The following ADGRL3 variants were observed in gnomAD, a reference collection of about 807,000 sequenced individuals.
The protein encoded by ADGRL3 is calcium-independent alpha-latrotoxin receptor 3.
ADGRL3 carries 62 observed loss-of-function variants against 153.5 expected under a neutral mutation model. The observed-to-expected ratio is 0.40, with a 90% CI of 0.33 to 0.50. The LOEUF is 0.50. Ranked by LOEUF, ADGRL3 falls within the 20% of genes least tolerant of loss-of-function variation. The pLI, the probability that ADGRL3 is intolerant of heterozygous loss-of-function variation, is 0.47. For synonymous variants in ADGRL3, 710 were observed against 672.5 expected, an observed-to-expected ratio of 1.06 and a Z score of -0.86; for missense variants, 1,641 against 1,859.4, an observed-to-expected ratio of 0.88 and a Z score of 2.16.
chr4:61,986,898 T>C (rs982063523), intron 19 of ADGRL3, among the ~76,000 whole-genome samples: 16 of 152,102 alleles, frequency 1.1e-4, no homozygotes, highest in African/African-American at 3.9e-4. Flanking sequence ...GAAGCAGATA[T>C]TGAAAAGAGA....
chr4:61,957,098 TATC>T (rs762004075), intron 17 of ADGRL3, among the ~76,000 whole-genome samples: 27 of 152,286 alleles, frequency 1.8e-4, no homozygotes, highest in Non-Finnish European at 3.4e-4. Flanking sequence ...TTGATGGAAA[TATC>T]ATTGAATCTA....
chr4:62,015,801 A>G (rs1347471299), intron 21 of ADGRL3, among the ~76,000 whole-genome samples: 1 of 149,032 alleles, frequency 6.7e-6, no homozygotes, highest in Middle Eastern at 3.2e-3. Context: ...TTTTTCTTTT[A>G]CTTGCTGATA....
intron 9 of ADGRL3, among the ~76,000 whole-genome samples, chr4:61,871,500 T>A (rs1040293168): frequency 6.6e-6 from 1 of 152,098 alleles, no homozygotes; most frequent in Admixed American, 6.5e-5. Flanking sequence ...ACCTGCTAAG[T>A]GACATAAGCC....
chr4:61,439,549 C>T (rs2097502050), intron 2 of ADGRL3, among the ~76,000 whole-genome samples: 1 of 152,248 alleles, frequency 6.6e-6, no homozygotes, highest in Non-Finnish European at 1.5e-5. Context: ...GTGGTTTCTG[C>T]ACCCATCAAC....
chr4:62,070,295 A>C lies in ADGRL3; in HGVS notation c.4019A>C (p.Asn1340Thr). 1 of 1,571,044 alleles carries C rather than the reference A, an allele frequency of 6.4e-7. No homozygotes were observed. Among genetic ancestry groups the C allele is most frequent in the Non-Finnish European group, 8.6e-7 (1 of 1,156,564 alleles). Residue 1340 changes from asparagine to threonine, a missense_variant, in exon 27 of 27, where the codon AAC becomes ACC. Asn to Thr is a moderately conservative substitution (Grantham distance 65, BLOSUM62 0). Transcript: ENST00000683033. Reference protein sequence around the residue: ...EKKILKELTSNYIPSYLNNHE... With the variant: ...EKKILKELTSTYIPSYLNNHE... The stretch of plus-strand genomic sequence containing the variant: ...AAGATTCTGAAGGAACTCACTTCCA[A>C]CTATATCCCTTCTTACCTGAACAAC...
chr4:62,031,112 T>G (rs1487264515), intron 22 of ADGRL3, among the ~76,000 whole-genome samples: 1 of 151,584 alleles, frequency 6.6e-6, no homozygotes, highest in African/African-American at 2.4e-5. Flanking sequence ...ACTAACAGCT[T>G]TATAGCCTGC....
intron 18 of ADGRL3, among the ~76,000 whole-genome samples, chr4:61,980,333 A>AT (rs2099063723): frequency 4.0e-5 from 1 of 24,706 alleles, no homozygotes; most frequent in Admixed American, 3.9e-4. Flanking sequence ...TTTTTTTTTT[A>AT]CTATCTCCAT....
intron 5 of ADGRL3, among the ~76,000 whole-genome samples, chr4:61,592,391 A>G (rs1028935021): frequency 6.6e-6 from 1 of 152,192 alleles, no homozygotes; most frequent in African/African-American, 2.4e-5. Flanking sequence ...CTTATAAACT[A>G]TAACAGATCA....
At chr4:61,217,656 G>A (rs753308751) in intron 1 of ADGRL3, among the ~76,000 whole-genome samples, 4 of 152,170 alleles carry the variant, frequency 2.6e-5, no homozygotes, top group Non-Finnish European at 5.9e-5. Flanking sequence ...TTTGAGTTGA[G>A]CAGGAATAGG....
intron 9 of ADGRL3, among the ~76,000 whole-genome samples, chr4:61,867,157 A>C (rs772820188): frequency 8.5e-5 from 13 of 152,070 alleles, no homozygotes; most frequent in Non-Finnish European, 1.6e-4. Context: ...GCATTATTAC[A>C]ATTAGATTAA....
intron 6 of ADGRL3, among the ~76,000 whole-genome samples, chr4:61,720,273 A>G (rs1190310926): frequency 6.6e-6 from 1 of 151,660 alleles, no homozygotes; most frequent in Non-Finnish European, 1.5e-5. Context: ...TATTTTTAGT[A>G]GAGATGGGGT....
At chr4:61,357,869 C>T (rs947059865) in intron 1 of ADGRL3, among the ~76,000 whole-genome samples, 1 of 151,874 alleles carries the variant, frequency 6.6e-6, no homozygotes, top group African/African-American at 2.4e-5. Context: ...AAGCAGACAC[C>T]TACATATGAT....
intron 2 of ADGRL3, among the ~76,000 whole-genome samples, chr4:61,418,767 A>G (rs1347069737): frequency 2.0e-5 from 3 of 150,746 alleles, no homozygotes; most frequent in Non-Finnish European, 4.4e-5. Context: ...TTAATGTGGC[A>G]TGGTACTTAA....
At chr4:61,213,700 T>C (rs1014530826) in intron 1 of ADGRL3, among the ~76,000 whole-genome samples, 1 of 152,080 alleles carries the variant, frequency 6.6e-6, no homozygotes, top group Admixed American at 6.5e-5. Context: ...ATGCCATTAT[T>C]TTTTTGAAAG....
At chr4:61,399,922 G>A (rs986807289) in intron 2 of ADGRL3, among the ~76,000 whole-genome samples, 2 of 151,692 alleles carry the variant, frequency 1.3e-5, no homozygotes, top group African/African-American at 4.8e-5. Context: ...ATGTTGTGTT[G>A]ACTAATGCAA....
At chr4:61,333,268 A>T (rs999719414) in intron 1 of ADGRL3, among the ~76,000 whole-genome samples, 6 of 152,154 alleles carry the variant, frequency 3.9e-5, no homozygotes, top group African/African-American at 1.4e-4. Flanking sequence ...ATATTATATA[A>T]GGTCTTACCA....
intron 13 of ADGRL3, among the ~76,000 whole-genome samples, chr4:61,918,695 C>T (rs1262430233): frequency 1.3e-5 from 2 of 152,174 alleles, no homozygotes; most frequent in African/African-American, 4.8e-5. Flanking sequence ...ACTGCTGAAT[C>T]TGCTCAGAAA....
chr4:61,502,530 A>G (rs1461758400), intron 3 of ADGRL3, among the ~76,000 whole-genome samples: 1 of 146,172 alleles, frequency 6.8e-6, no homozygotes, highest in African/African-American at 2.5e-5. Flanking sequence ...TTGCATCTGT[A>G]TTTATATATT....
At chr4:61,401,489 A>T (rs1019698765) in intron 2 of ADGRL3, among the ~76,000 whole-genome samples, 1 of 152,026 alleles carries the variant, frequency 6.6e-6, no homozygotes, top group African/African-American at 2.4e-5. Flanking sequence ...ATGTACAAGC[A>T]TGAATAGAAA....
Sources: allele counts gnomAD v4.1 joint callset (sites outside exome capture counted in the v4.1 genomes callset), GRCh38; gene constraint gnomAD v4.1.1; transcripts MANE v1.5; gene names NCBI Gene and HGNC (gene_info 2026-07-23, HGNC 2026-07-21).